LYSMD4: variants seen among roughly 807,000 people sequenced by gnomAD.
The protein encoded by LYSMD4 is lysM and putative peptidoglycan-binding domain-containing protein 4.
A neutral mutation model predicts 6.1 loss-of-function variants in LYSMD4; 9 were observed. The observed-to-expected ratio is 1.47, with a 90% CI of 0.88 to 2.56. LYSMD4 has a LOEUF of 2.56. LYSMD4 is among the 30% of genes most tolerant of loss of function. The pLI, the probability that LYSMD4 is intolerant of heterozygous loss-of-function variation, is 0.00. For missense variants in LYSMD4, 384 were observed against 373.5 expected (o/e 1.03, Z -0.23); for synonymous variants, 143 against 148.5 (o/e 0.96, Z 0.27).
rs2059475675 is a variant in LYSMD4, at chr15:99,733,408, CAG to C, written c.-74_-73del. The stretch of plus-strand genomic sequence containing the variant: ...CTCGCGACCCGCGACCCGCGACCCG[CAG>C]CTGCCACCGCGCCTGCGGATTGGCT... On this transcript the variant is annotated 5_prime_UTR_variant, in exon 1 of 3. Transcript: ENST00000684762. The C allele has an allele frequency of 1.5e-5, 6 of 395,556 alleles. No individual in the cohort carries two copies. The highest frequency in any genetic ancestry group is 1.2e-4 in the African/African-American group (6 of 48,546). 24.5% of individuals were successfully genotyped at this position (395,556 alleles called of 1,614,324 possible).
chr15:99,728,711 C>A lies in LYSMD4; in HGVS notation c.*412G>T. The A allele has an allele frequency of 1.4e-5, 3 of 217,040 alleles. No homozygotes were observed. The South Asian group carries it at 2.6e-4, about 19-fold the overall frequency. 13.4% of individuals were successfully genotyped at this position (217,040 alleles called of 1,614,324 possible). On this transcript the variant is annotated 3_prime_UTR_variant, in exon 3 of 3. Transcript: ENST00000684762. ...TCCTTCTCAGAGCCAATCCCCGCTC[C>A]ACAGGAAGTGAGGATACAGCAAGAG... is the stretch of plus-strand genomic sequence containing the variant.
downstream of LYSMD4, among the ~76,000 whole-genome samples, chr15:99,722,492 T>A (rs116807081): frequency 0.028 from 4,308 of 152,212 alleles, 176 homozygotes; most frequent in African/African-American, 0.097. Context: ...ATTCACCATG[T>A]CTAGCATCCA....
rs1410413559 is a variant in LYSMD4, at chr15:99,728,976, G to C, written c.*147C>G. 2 of 1,125,818 alleles carry C rather than the reference G, an allele frequency of 1.8e-6. No homozygotes were observed. Among genetic ancestry groups the C allele is most frequent in the East Asian group, 2.4e-5 (1 of 42,420 alleles). The allele number at this position is 1,125,818 out of a possible 1,614,324, so 69.7% of individuals were successfully genotyped here. On this transcript the variant is annotated 3_prime_UTR_variant, in exon 3 of 3. Transcript: ENST00000684762. ...CTGGGTAAGGCCATGCCCAGGGCCA[G>C]TGCAATTGGGAATACTGCAGTGACT...
In LYSMD4 at chr15:99,729,059, A is replaced by G; in HGVS notation, c.*64T>C. On this transcript the variant is annotated 3_prime_UTR_variant, in exon 3 of 3. Coordinates refer to ENST00000684762, the MANE Select transcript of LYSMD4 (RefSeq NM_001284417.2). ...AATGCAGCACCCCTAGGACATCGCC[A>G]GTGACAGCTGAGGCACATCAACAGC... 1 of 1,588,024 alleles carries G rather than the reference A, an allele frequency of 6.3e-7. No homozygotes were observed. Among genetic ancestry groups the G allele is most frequent in the Non-Finnish European group, 8.6e-7 (1 of 1,164,156 alleles).
At chr15:99,719,910 T>C (rs1023623153), upstream of LYSMD4, among the ~76,000 whole-genome samples, 1 of 152,244 alleles carries the variant, frequency 6.6e-6, no homozygotes, top group South Asian at 2.1e-4. Flanking sequence ...GTAATTTGCC[T>C]TTCTCTATTA....
chr15:99,728,046 C>CT lies in LYSMD4; in HGVS notation c.*1076dup, dbSNP rs1157452718. 3 of 152,368 alleles carry CT rather than the reference C, an allele frequency of 2.0e-5. No homozygotes were observed. The highest frequency in any genetic ancestry group is 7.2e-5 in the African/African-American group (3 of 41,474). 9.4% of individuals were successfully genotyped at this position (152,368 alleles called of 1,614,324 possible). On this transcript the variant is annotated 3_prime_UTR_variant, in exon 3 of 3. Transcript: ENST00000684762. ...TTCCTCCCTCAGGTGTTCTGATCGC[C>CT]TTTTACAACAAGGGTCGCCTCTAGC...
At chr15:99,726,538 G>C (rs1003726525), downstream of LYSMD4, among the ~76,000 whole-genome samples, 15 of 152,082 alleles carry the variant, frequency 9.9e-5, no homozygotes, top group African/African-American at 3.6e-4. Context: ...CTTGCATGGC[G>C]GGGCCTTGAC....
chr15:99,718,185 G>A (rs556778992), upstream of LYSMD4, among the ~76,000 whole-genome samples: 56 of 152,114 alleles, frequency 3.7e-4, no homozygotes, highest in Admixed American at 7.2e-4. Context: ...AATACTGATC[G>A]GTTATTTTGT....
rs2059335796 is a variant in LYSMD4 at position 99,729,077 on chromosome 15, T to C, written c.*46A>G. The C allele has an allele frequency of 3.1e-6, 5 of 1,601,292 alleles. No homozygotes were observed. The highest frequency in any genetic ancestry group is 4.3e-6 in the Non-Finnish European group (5 of 1,171,078). Reference sequence around the variant, plus strand: ...CATCGCCAGTGACAGCTGAGGCACATCAACAGCCAATTGCTAAAGCTGGGC... The same window carrying C: ...CATCGCCAGTGACAGCTGAGGCACACCAACAGCCAATTGCTAAAGCTGGGC... On this transcript the variant is annotated 3_prime_UTR_variant, in exon 3 of 3. Coordinates refer to ENST00000684762, the MANE Select transcript of LYSMD4 (RefSeq NM_001284417.2).
At chr15:99,716,966 T>TG (rs2059190475) in exon 1 of LYSMD4, 1 of 297,992 alleles carries the variant, frequency 3.4e-6, no homozygotes, top group African/African-American at 2.2e-5. Flanking sequence ...AGAAGACAGA[T>TG]GTGCTGGCAT....
chr15:99,731,847 C>G lies in LYSMD4; in HGVS notation c.153G>C (p.Arg51=), dbSNP rs1471945815. 4 of 1,613,290 alleles carry G rather than the reference C, an allele frequency of 2.5e-6. No individual in the cohort carries two copies. The highest frequency in any genetic ancestry group is 3.4e-6 in the Non-Finnish European group (4 of 1,180,032). ...EESHRVVLRP[R]GKERHKSGVH... ...CACCGCTCTTGTGGCGCTCCTTGCC[C>G]CGGGGCCGCAAAACCACACGGTGAG... Residue 51 remains arginine (R), a synonymous_variant, in exon 2 of 3, where the codon CGG becomes CGC. Transcript: ENST00000684762.
upstream of LYSMD4, among the ~76,000 whole-genome samples, chr15:99,718,520 TCTG>T (rs1487247392): frequency 6.6e-6 from 1 of 152,254 alleles, no homozygotes; most frequent in East Asian, 1.9e-4. Context: ...TCATTGGAAT[TCTG>T]CTGCGAGGAA....
In LYSMD4 at chr15:99,728,928, G is replaced by A. The variant is rs1475640112; in HGVS notation, c.*195C>T. On this transcript the variant is annotated 3_prime_UTR_variant, in exon 3 of 3. Transcript: ENST00000684762. ...CTGGATAGGGGCCGAGGTCGCTGCT[G>A]TTTTAGATCCTGCCAGCTTAGACTG... is the stretch of plus-strand genomic sequence containing the variant. The A allele has an allele frequency of 4.0e-6, 3 of 751,258 alleles. No homozygotes were observed. Among genetic ancestry groups the A allele is most frequent in the Non-Finnish European group, 6.5e-6 (3 of 462,042 alleles). The allele number at this position is 751,258 out of a possible 1,614,324, so 46.5% of individuals were successfully genotyped here. A position where few individuals can be genotyped will look rare whatever the true frequency, so the allele number is the denominator to read the frequency against.
intron 1 of LYSMD4, 108 bp from the exon 2 acceptor site, chr15:99,732,115 G>A: frequency 8.4e-7 from 1 of 1,193,992 alleles, no homozygotes; most frequent in Non-Finnish European, 1.2e-6. Flanking sequence ...CCTAATCGCT[G>A]CAAATACTCA....
chr15:99,725,194 T>C (rs1343620312), downstream of LYSMD4, among the ~76,000 whole-genome samples: 2 of 152,202 alleles, frequency 1.3e-5, no homozygotes, highest in African/African-American at 4.8e-5. Context: ...AGTGCTTGCA[T>C]GTGCGACATA....
chr15:99,732,043 A>T, intron 1 of LYSMD4, 36 bp from the exon 2 acceptor site: 3 of 1,516,774 alleles, frequency 2.0e-6, no homozygotes, highest in Non-Finnish European at 2.7e-6. Context: ...TCCACAGAAG[A>T]CATAATCATC....
exon 1 of LYSMD4, chr15:99,717,281 T>G (rs544623472): frequency 6.6e-6 from 1 of 152,420 alleles, no homozygotes; most frequent in African/African-American, 2.4e-5. Flanking sequence ...TTCATTACAT[T>G]TTCCTGCTTG....
chr15:99,721,748 G>C (rs1431225467), upstream of LYSMD4, among the ~76,000 whole-genome samples: 1 of 152,148 alleles, frequency 6.6e-6, no homozygotes, highest in Non-Finnish European at 1.5e-5. Flanking sequence ...GGCCATATTA[G>C]AATAACAGCA....
exon 1 of LYSMD4, chr15:99,716,372 T>G (rs1296043910): frequency 2.7e-6 from 1 of 368,670 alleles, no homozygotes; most frequent in Non-Finnish European, 5.5e-6. Context: ...TTTTCTTCAT[T>G]ATACAATAAA....
Sources: gnomAD v4.1 joint callset for allele counts (sites outside exome capture counted in the v4.1 genomes callset) on GRCh38, gnomAD v4.1.1 for gene constraint, MANE v1.5 for transcripts, NCBI Gene and HGNC (gene_info 2026-07-23, HGNC 2026-07-21) for gene names.